The following WDPCP variants were observed in gnomAD, a reference collection of about 807,000 sequenced individuals.
The protein encoded by WDPCP is WD repeat-containing and planar cell polarity effector protein fritz homolog.
Under a neutral mutation model 93.1 loss-of-function variants are expected in WDPCP, and 71 were observed. That is an observed-to-expected ratio of 0.76 (90% CI 0.63 to 0.93). WDPCP has a LOEUF of 0.93. WDPCP is among the 40% of genes least tolerant of loss of function. WDPCP has a pLI of 0.00. For missense variants in WDPCP, 844 were observed against 887.4 expected, an observed-to-expected ratio of 0.95 and a Z score of 0.62; for synonymous variants, 315 against 315.0, an observed-to-expected ratio of 1.00 and a Z score of 0.00.
intron 12 of WDPCP, among the ~76,000 whole-genome samples, chr2:63,333,999 G>A (rs1011468244): frequency 1.3e-5 from 2 of 152,154 alleles, no homozygotes; most frequent in African/African-American, 4.8e-5. Flanking sequence ...GGGGCACTTT[G>A]TAGTTTCATA....
intron 10 of WDPCP, among the ~76,000 whole-genome samples, chr2:63,384,260 T>A (rs1692552872): frequency 6.6e-6 from 1 of 152,036 alleles, no homozygotes; most frequent in Non-Finnish European, 1.5e-5. Context: ...TTGACAAACT[T>A]CTGTCTCAGC....
At chr2:63,525,961 A>G (rs4671512) in intron 1 of WDPCP, among the ~76,000 whole-genome samples, 120,131 of 152,164 alleles carry the variant, frequency 0.79, 47,819 homozygotes, top group East Asian at 0.99. Flanking sequence ...CAACAGCCAC[A>G]CCAGAAGTCT....
intron 14 of WDPCP, among the ~76,000 whole-genome samples, chr2:63,224,747 C>A (rs866034970): frequency 1.3e-4 from 20 of 151,982 alleles, no homozygotes; most frequent in African/African-American, 4.6e-4. Context: ...GAGAGATGAA[C>A]AGGCAGAGCA....
chr2:63,758,026 A>G (rs1423478733), intron 2 of WDPCP, among the ~76,000 whole-genome samples: 1 of 152,140 alleles, frequency 6.6e-6, no homozygotes, highest in Non-Finnish European at 1.5e-5. Flanking sequence ...TTATTAATTC[A>G]TTGAAATTAT....
chr2:63,722,999 T>C (rs1416212511), intron 2 of WDPCP, among the ~76,000 whole-genome samples: 1 of 152,302 alleles, frequency 6.6e-6, no homozygotes, highest in East Asian at 1.9e-4. Flanking sequence ...AACCCTGTGC[T>C]CTCTGAAACA....
intron 1 of WDPCP, among the ~76,000 whole-genome samples, chr2:63,821,465 G>A (rs934468867): frequency 2.0e-5 from 3 of 152,186 alleles, no homozygotes; most frequent in African/African-American, 7.2e-5. Flanking sequence ...AATGAGGAGG[G>A]TAGAGTTAGG....
intron 12 of WDPCP, among the ~76,000 whole-genome samples, chr2:63,315,367 C>A (rs546049532): frequency 3.9e-5 from 6 of 152,136 alleles, no homozygotes; most frequent in Admixed American, 1.3e-4. Flanking sequence ...CTAAAAGAGA[C>A]CCAGGTTAGT....
At chr2:63,228,560 C>T (rs1045970548) in intron 14 of WDPCP, 3 of 151,848 alleles carry the variant, frequency 2.0e-5, no homozygotes, top group Admixed American at 6.6e-5. Context: ...TTAGGTATAT[C>T]TCCTAATGCT....
intron 17 of WDPCP, among the ~76,000 whole-genome samples, chr2:63,141,735 T>C (rs966743333): frequency 6.6e-6 from 1 of 152,140 alleles, no homozygotes; most frequent in Non-Finnish European, 1.5e-5. Flanking sequence ...TCTGAATGTC[T>C]CCTGTGAATC....
intron 2 of WDPCP, among the ~76,000 whole-genome samples, chr2:63,749,314 TA>T (rs1558901300): frequency 6.6e-6 from 1 of 152,086 alleles, no homozygotes; most frequent in Non-Finnish European, 1.5e-5. Context: ...GAAAACTGGC[TA>T]AAATACTACA....
chr2:63,230,989 T>G (rs905871104), intron 14 of WDPCP, among the ~76,000 whole-genome samples: 1 of 152,128 alleles, frequency 6.6e-6, no homozygotes, highest in Non-Finnish European at 1.5e-5. Context: ...TTTGGCGTTT[T>G]AATCCTCAAT....
intron 1 of WDPCP, among the ~76,000 whole-genome samples, chr2:63,822,863 T>TAC (rs917954620): frequency 6.6e-6 from 1 of 150,844 alleles, no homozygotes; most frequent in African/African-American, 2.4e-5. Context: ...AATATATATA[T>TAC]ATATTTGATA....
At chr2:63,723,601 A>G (rs955881951) in intron 2 of WDPCP, among the ~76,000 whole-genome samples, 1 of 152,214 alleles carries the variant, frequency 6.6e-6, no homozygotes, top group African/African-American at 2.4e-5. Context: ...TTGTTGAATT[A>G]TGGACAAATG....
intron 2 of WDPCP, among the ~76,000 whole-genome samples, chr2:63,671,211 G>A (rs1041898974): frequency 1.3e-5 from 2 of 152,110 alleles, no homozygotes; most frequent in African/African-American, 4.8e-5. Context: ...GAGTGTAATT[G>A]ATTAAGGGTC....
intron 14 of WDPCP, among the ~76,000 whole-genome samples, chr2:63,227,063 T>C (rs1678352461): frequency 6.6e-6 from 1 of 151,870 alleles, no homozygotes; most frequent in Non-Finnish European, 1.5e-5. Context: ...GATATTCAGG[T>C]AATGTAGAAA....
At chr2:63,182,145 T>C (rs1441809476) in intron 14 of WDPCP, among the ~76,000 whole-genome samples, 1 of 152,120 alleles carries the variant, frequency 6.6e-6, no homozygotes, top group Admixed American at 6.6e-5. Context: ...TTTTATTTCT[T>C]CTCTTGCCTG....
At chr2:63,513,248 T>C (rs180736900) in intron 1 of WDPCP, among the ~76,000 whole-genome samples, 6 of 152,178 alleles carry the variant, frequency 3.9e-5, no homozygotes, top group Non-Finnish European at 8.8e-5. Context: ...AAATATAGTA[T>C]GCTACATGAT....
At chr2:63,678,098 C>T (rs1300416652) in intron 2 of WDPCP, among the ~76,000 whole-genome samples, 1 of 152,098 alleles carries the variant, frequency 6.6e-6, no homozygotes, top group East Asian at 1.9e-4. Context: ...TCTAATATAA[C>T]AAGAAATTAA....
At chr2:63,498,678 T>G (rs1240368335) in intron 1 of WDPCP, among the ~76,000 whole-genome samples, 2 of 152,152 alleles carry the variant, frequency 1.3e-5, no homozygotes, top group African/African-American at 4.8e-5. Context: ...TCTGCCCGGG[T>G]AAAGTATGCT....
Sources: allele counts gnomAD v4.1 joint callset (sites outside exome capture counted in the v4.1 genomes callset), GRCh38; gene constraint gnomAD v4.1.1; transcripts MANE v1.5; gene names NCBI Gene and HGNC (gene_info 2026-07-23, HGNC 2026-07-21).